DNASE1L3: variants seen among roughly 807,000 people sequenced by gnomAD.
The protein encoded by DNASE1L3 is deoxyribonuclease 1L3, also known as deoxyribonuclease gamma.
DNASE1L3 carries 27 observed loss-of-function variants against 30.9 expected under a neutral mutation model. The observed-to-expected ratio is 0.87, with a 90% confidence interval of 0.64 to 1.20. The LOEUF is 1.20. Ranked by LOEUF, DNASE1L3 falls within the 50% of genes most tolerant of loss-of-function variation. DNASE1L3 has a pLI of 0.00. For synonymous variants in DNASE1L3, 135 were observed against 138.0 expected (o/e 0.98, Z 0.15); for missense variants, 364 against 378.2 (o/e 0.96, Z 0.31).
chr3:58,192,550 C>T lies in DNASE1L3; in HGVS notation c.*137G>A. The T allele has an allele frequency of 1.1e-6, 1 of 951,026 alleles. No individual in the cohort carries two copies. The highest frequency in any genetic ancestry group is 1.6e-6 in the Non-Finnish European group (1 of 642,002). 58.9% of individuals were successfully genotyped at this position (951,026 alleles called of 1,614,324 possible). On this transcript the variant is annotated 3_prime_UTR_variant, in exon 8 of 8. Coordinates refer to ENST00000394549, the MANE Select transcript of DNASE1L3 (RefSeq NM_004944.4). The surrounding 1 kb of genome is among the most constrained non-coding windows in gnomAD (Gnocchi z 4.8). Reference sequence around the variant, plus strand: ...AAAAGATTCTCCTTCCAATTTGGCTCAAGTCAGAATAAATTCAGGTCAAAA... The same window carrying T: ...AAAAGATTCTCCTTCCAATTTGGCTTAAGTCAGAATAAATTCAGGTCAAAA...
rs181184719 is a variant in DNASE1L3, at chr3:58,208,653, A to G, written c.142-347T>C. 3.9e-5 allele frequency among the ~76,000 whole-genome samples: 6 copies of G among 152,302 alleles called. No individual in the cohort carries two copies. In the East Asian group the frequency reaches 9.6e-4, roughly 24 times the overall value. ...CTTTGCTTGAATAATTACAATAATA[A>G]TAATAAATATTTATTAAGCCCTTAG... On this transcript the variant is annotated intron_variant, in intron 1 of 7. Transcript: ENST00000394549.
chr3:58,193,012 G>C, intron 7 of DNASE1L3: 1 of 1,433,730 alleles, frequency 7.0e-7, no homozygotes, highest in Non-Finnish European at 9.1e-7. Context: ...GGCATTGAGG[G>C]TCAAGGTCTA....
chr3:58,210,779 TC>T lies in DNASE1L3; in HGVS notation c.127del (p.Asp43MetfsTer4), dbSNP rs2097407240. ...ESKQEDKNAM[D>X]VIVKVIKRCD... ...AAAGGGGCTCACCTTCACAATGACATCCATGGCATTCTTGTCTTCCTGCTTG... is the reference window on the plus strand; with the variant it reads ...AAAGGGGCTCACCTTCACAATGACATCATGGCATTCTTGTCTTCCTGCTTG... On this transcript the variant is annotated frameshift_variant, in exon 1 of 8. Coordinates refer to ENST00000394549, the MANE Select transcript of DNASE1L3 (RefSeq NM_004944.4). LOFTEE classifies it high-confidence loss of function. 2 of 1,614,050 alleles carry T rather than the reference TC, an allele frequency of 1.2e-6. No homozygotes were observed. Among genetic ancestry groups the T allele is most frequent in the Non-Finnish European group, 1.7e-6 (2 of 1,179,986 alleles).
chr3:58,203,751 G>C (rs1393967095), intron 4 of DNASE1L3, among the ~76,000 whole-genome samples: 1 of 151,996 alleles, frequency 6.6e-6, no homozygotes, highest in Non-Finnish European at 1.5e-5. Context: ...AGTGAGCCAA[G>C]ATCATGCCAC....
Position 58,201,094 on chromosome 3 carries a change from A to G in DNASE1L3, c.449T>C (p.Val150Ala). ...TGGGGTGGTGTGCAGGGGGATAATC[A>G]CGAAGTCTTTGACAGCTGAGAAACA... is the stretch of plus-strand genomic sequence containing the variant. ...QSPHTAVKDF[V>A]IIPLHTTPET... Residue 150 changes from valine (V) to alanine (A), a missense_variant, in exon 5 of 8, where the codon GTG (valine) becomes GCG (alanine). Transcript: ENST00000394549. The G allele has an allele frequency of 6.2e-7, 1 of 1,608,720 alleles. No homozygotes were observed. The highest frequency in any genetic ancestry group is 8.5e-7 in the Non-Finnish European group (1 of 1,176,580).
Position 58,205,505 on chromosome 3 carries a change from T to C in DNASE1L3, c.286A>G (p.Asn96Asp). ...NYVISSRLGR[N>D]TYKEQYAFLY... Reference sequence around the variant, plus strand: ...AAGGCATATTGTTCTTTATATGTGTTTCTTCCAAGCCGAGAGCTAATCACA... The same window carrying C: ...AAGGCATATTGTTCTTTATATGTGTCTCTTCCAAGCCGAGAGCTAATCACA... The change falls in exon 3 of 8, where the codon AAC (asparagine) becomes GAC (aspartate). Residue 96 changes from asparagine (N) to aspartate (D), a missense_variant. Coordinates refer to ENST00000394549, the MANE Select transcript of DNASE1L3 (RefSeq NM_004944.4). The C allele has an allele frequency of 6.2e-7, 1 of 1,614,116 alleles. No homozygotes were observed.
At chr3:58,202,159 T>C (rs2097401054) in intron 4 of DNASE1L3, among the ~76,000 whole-genome samples, 1 of 151,542 alleles carries the variant, frequency 6.6e-6, no homozygotes, top group African/African-American at 2.4e-5. Context: ...CTTTTTTTTT[T>C]TTTGAGACGG....
chr3:58,194,314 C>CTTTTTTTTT (rs11358965), intron 6 of DNASE1L3, among the ~76,000 whole-genome samples: 2 of 89,052 alleles, frequency 2.2e-5, no homozygotes, highest in Non-Finnish European at 2.0e-5. Context: ...GCACAACTAA[C>CTTTTTTTTT]TTTTTTTTTT....
Position 58,197,609 on chromosome 3 carries a change from T to A in DNASE1L3, c.704+212A>T, listed in dbSNP as rs2107370513. Among the ~76,000 whole-genome samples, 1 of 152,258 alleles carries A rather than the reference T, an allele frequency of 6.6e-6. No homozygotes were observed. Among genetic ancestry groups the A allele is most frequent in the Middle Eastern group, 3.4e-3 (1 of 294 alleles). On this transcript the variant is annotated intron_variant, in intron 6 of 7. Coordinates refer to ENST00000394549, the MANE Select transcript of DNASE1L3 (RefSeq NM_004944.4). The surrounding 1 kb of genome is among the most constrained non-coding windows in gnomAD (Gnocchi z 5.3). The stretch of plus-strand genomic sequence containing the variant: ...CTGGGAGTATAGGTGTGTGCCACCA[T>A]GCCTGGCTAATTTTTGTATTTTTTG...
At chr3:58,194,288 T>A (rs2097395845) in intron 6 of DNASE1L3, among the ~76,000 whole-genome samples, 1 of 151,458 alleles carries the variant, frequency 6.6e-6, no homozygotes, top group Non-Finnish European at 1.5e-5. Context: ...GGTATCTGCA[T>A]TTGCTAACAT....
intron 5 of DNASE1L3, 106 bp from the exon 6 acceptor site, chr3:58,198,084 G>A: frequency 7.7e-7 from 1 of 1,291,376 alleles, no homozygotes; most frequent in South Asian, 1.5e-5. Flanking sequence ...AAACAACAGG[G>A]TCTGTTATGG....
intron 1 of DNASE1L3, among the ~76,000 whole-genome samples, chr3:58,209,690 C>T (rs2097406402): frequency 6.6e-6 from 1 of 152,202 alleles, no homozygotes; most frequent in African/African-American, 2.4e-5. Flanking sequence ...CTCAGGCACC[C>T]TGAGTTCTCT....
intron 1 of DNASE1L3, 54 bp downstream of exon 1, chr3:58,210,712 A>G (rs1331331966): frequency 1.1e-5 from 18 of 1,611,524 alleles, no homozygotes; most frequent in Non-Finnish European, 1.4e-5. Context: ...GTCTGCAGAC[A>G]GGAGAGAGGG....
At position 58,200,990 on chromosome 3, in the gene DNASE1L3, T is replaced by C. The variant is rs1485030542; in HGVS notation, c.546+7A>G. The C allele has an allele frequency of 6.2e-7, 1 of 1,610,252 alleles. No homozygotes were observed. Among genetic ancestry groups the C allele is most frequent in the African/African-American group, 1.3e-5 (1 of 74,986 alleles). ...GATGGGAATTCGTCTGACACAGCAG[T>C]CCTCACCTCCGCCTTCCAGCGGTGT... On this transcript the variant is annotated splice_region_variant and intron_variant, in intron 5 of 7. Transcript: ENST00000394549. This position sits in a 1 kb window ranked among gnomAD's most constrained non-coding sequence, Gnocchi z 4.2.
At chr3:58,206,231 A>G (rs1254311060) in intron 2 of DNASE1L3, among the ~76,000 whole-genome samples, 1 of 151,950 alleles carries the variant, frequency 6.6e-6, no homozygotes, top group African/African-American at 2.4e-5. Context: ...TGATAACTCC[A>G]CTCTGGGCAG....
At position 58,208,237 on chromosome 3, in the gene DNASE1L3, G is replaced by C; in HGVS notation, c.211C>G (p.Leu71Val). ...TGTTACCTGTTCAGCTTCTCCATCAGTATGGGGCAGATCCTGTTGTTGCTG... is the reference window on the plus strand; with the variant it reads ...TGTTACCTGTTCAGCTTCTCCATCACTATGGGGCAGATCCTGTTGTTGCTG... ...KDSNNRICPI[L>V]MEKLNRNSRR... is the part of the protein sequence containing the mutation. The change falls in exon 2 of 8, where the codon CTG becomes GTG. Residue 71 changes from leucine to valine, a missense_variant. By Grantham distance (32) the Leu-to-Val change is conservative. Coordinates refer to ENST00000394549, the MANE Select transcript of DNASE1L3 (RefSeq NM_004944.4). 1 of 1,614,132 alleles carries C rather than the reference G, an allele frequency of 6.2e-7. No individual in the cohort carries two copies. The highest frequency in any genetic ancestry group is 8.5e-7 in the Non-Finnish European group (1 of 1,179,978).
chr3:58,194,783 G>A (rs1035210674), intron 6 of DNASE1L3, among the ~76,000 whole-genome samples: 1 of 151,766 alleles, frequency 6.6e-6, no homozygotes, highest in African/African-American at 2.4e-5. Context: ...CCGGCACCAC[G>A]CCTGGCTAAT....
intron 6 of DNASE1L3, among the ~76,000 whole-genome samples, chr3:58,194,413 G>T (rs980806820): frequency 1.4e-5 from 2 of 141,180 alleles, no homozygotes; most frequent in Non-Finnish European, 3.0e-5. Flanking sequence ...TCCACCTTCC[G>T]GGTTGAAGCG....
rs1337272038 is a variant in DNASE1L3, at chr3:58,193,352, A to G, written c.792T>C (p.Thr264=). 2 of 1,614,120 alleles carry G rather than the reference A, an allele frequency of 1.2e-6. No homozygotes were observed. The highest frequency in any genetic ancestry group is 2.2e-5 in the East Asian group (1 of 44,890). Residue 264 remains threonine, a synonymous_variant, in exon 7 of 8, where the codon ACT becomes ACC. Coordinates refer to ENST00000394549, the MANE Select transcript of DNASE1L3 (RefSeq NM_004944.4). The part of the protein sequence containing the change: ...VFDFQKAYKL[T]EEEALDVSDH... ...AAGATGGCAACCTTACCTCCTCTTC[A>G]GTCAGCTTGTAAGCTTTCTGGAAGT...
Sources: allele counts gnomAD v4.1 joint callset (sites outside exome capture counted in the v4.1 genomes callset), GRCh38; gene constraint gnomAD v4.1.1; non-coding constraint Gnocchi (gnomAD v3.1); transcripts MANE v1.5; gene names NCBI Gene and HGNC (gene_info 2026-07-23, HGNC 2026-07-21).